Variants in PIK3CG observed in about 807,000 individuals in gnomAD.
The protein encoded by PIK3CG is phosphatidylinositol-4,5-bisphosphate 3-kinase catalytic subunit gamma.
A neutral mutation model predicts 102.3 loss-of-function variants in PIK3CG; 55 were observed. The observed-to-expected ratio is 0.54, with a 90% CI of 0.43 to 0.67. The LOEUF is 0.67. PIK3CG is among the 30% of genes least tolerant of loss of function. The pLI, the probability that PIK3CG is intolerant of heterozygous loss-of-function variation, is 0.00. For missense variants in PIK3CG, 1,258 were observed against 1,391.8 expected (o/e 0.90, Z 1.53); for synonymous variants, 552 against 540.0 (o/e 1.02, Z -0.31).
In PIK3CG at chr7:106,894,863, T is replaced by C. The variant is rs372450374; in HGVS notation, c.3030+8571T>C. On this transcript the variant is annotated intron_variant, in intron 10 of 10. Transcript: ENST00000496166. The surrounding 1 kb of genome is among the most constrained non-coding windows in gnomAD (Gnocchi z 4.4). ...GTATATAAAAGTAGTTTGTTTTCAG[T>C]TTAGTGAACTGATAGTTGGGGCAGT... Among the ~76,000 whole-genome samples the C allele has an allele frequency of 6.6e-5, 10 of 152,214 alleles. No homozygotes were observed. The highest frequency in any genetic ancestry group is 2.4e-4 in the African/African-American group (10 of 41,452).
chr7:106,907,370 T>C lies in PIK3CG; in HGVS notation c.*1983T>C, dbSNP rs1175122986. Among the ~76,000 whole-genome samples the C allele has an allele frequency of 6.6e-6, 1 of 152,190 alleles. No homozygotes were observed. The highest frequency in any genetic ancestry group is 1.5e-5 in the Non-Finnish European group (1 of 68,026). ...ACTCCTCTTCTTTGGCAACCTGTCC[T>C]TTTAAAATCACACTCTACCCACCTG... On this transcript the variant is annotated 3_prime_UTR_variant, in exon 11 of 11. Coordinates refer to ENST00000496166, the MANE Select transcript of PIK3CG (RefSeq NM_001282426.2).
In PIK3CG at chr7:106,868,537, G is replaced by A. The variant is rs1429721824; in HGVS notation, c.976G>A (p.Val326Met). ...GGTGAGGAAGGAAGAGTGGCCACTG[G>A]TGGATGACTGCACGGGAGTCACCGG... is the stretch of plus-strand genomic sequence containing the variant. ...DEVRKEEWPL[V>M]DDCTGVTGYH... The change falls in exon 2 of 11, where the codon GTG (valine) becomes ATG (methionine). Residue 326 changes from valine to methionine, a missense_variant. Val to Met is a conservative substitution (Grantham distance 21, BLOSUM62 1). Around this residue, in one of 2 missense-constraint regions of PIK3CG, gnomAD observed 832 missense variants for 787.5 expected, o/e 1.06. Transcript: ENST00000496166. The surrounding 1 kb of genome is among the most constrained non-coding windows in gnomAD (Gnocchi z 6.2). 2.5e-6 allele frequency: 4 copies of A among 1,613,986 alleles called. No homozygotes were observed. The highest frequency in any genetic ancestry group is 1.7e-5 in the Admixed American group (1 of 60,008).
In PIK3CG at chr7:106,869,631, A is replaced by C; in HGVS notation, c.1995+75A>C. On this transcript the variant is annotated intron_variant, in intron 2 of 10. Coordinates refer to ENST00000496166, the MANE Select transcript of PIK3CG (RefSeq NM_001282426.2). This position sits in a 1 kb window ranked among gnomAD's most constrained non-coding sequence, Gnocchi z 5.3. Reference sequence around the variant, plus strand: ...TTGCATATGCACAGGCACTCCATTCAGTTGTCATCAAATGCCCTTTGTTCA... The same window carrying C: ...TTGCATATGCACAGGCACTCCATTCCGTTGTCATCAAATGCCCTTTGTTCA... The C allele has an allele frequency of 8.1e-7, 1 of 1,235,210 alleles. No individual in the cohort carries two copies. The highest frequency in any genetic ancestry group is 1.1e-6 in the Non-Finnish European group (1 of 896,084). 76.5% of individuals were successfully genotyped at this position (1,235,210 alleles called of 1,614,324 possible). A position where few individuals can be genotyped will look rare whatever the true frequency, so the allele number is the denominator to read the frequency against.
At position 106,880,730 on chromosome 7, in the gene PIK3CG, A is replaced by G; in HGVS notation, c.2538+1065A>G. On this transcript the variant is annotated intron_variant, in intron 6 of 10. Coordinates refer to ENST00000496166, the MANE Select transcript of PIK3CG (RefSeq NM_001282426.2). The surrounding 1 kb of genome is among the most constrained non-coding windows in gnomAD (Gnocchi z 4.2). ...GCCTTGCTTTATCGCCCAGGTTGGA[A>G]TACAGTGGCACGATCACAGCCCACT... 6.6e-6 allele frequency among the ~76,000 whole-genome samples: 1 copy of G among 152,032 alleles called. No individual in the cohort carries two copies.
Position 106,867,867 on chromosome 7 carries a change from G to C in PIK3CG, c.306G>C (p.Lys102Asn). The change falls in exon 2 of 11, where the codon AAG becomes AAC. Residue 102 changes from lysine (K) to asparagine (N), a missense_variant. Lys to Asn is a moderately conservative substitution (Grantham distance 94). Coordinates refer to ENST00000496166, the MANE Select transcript of PIK3CG (RefSeq NM_001282426.2). The surrounding 1 kb of genome is among the most constrained non-coding windows in gnomAD (Gnocchi z 5.1). ...ATCACTTCCTCCTGCTCTATCAGAA[G>C]AAGGGGCAGTGGTACGAGATCTACG... The part of the protein sequence containing the change: ...GPHHFLLLYQ[K>N]KGQWYEIYDK... The C allele has an allele frequency of 6.2e-7, 1 of 1,612,998 alleles. No individual in the cohort carries two copies.
In PIK3CG at chr7:106,884,764, T is replaced by A. The variant is rs948625078; in HGVS notation, c.2872+498T>A. On this transcript the variant is annotated intron_variant, in intron 9 of 10. Transcript: ENST00000496166. This position sits in a 1 kb window ranked among gnomAD's most constrained non-coding sequence, Gnocchi z 4.2. ...CCACCAGATGCAGCTCAATTTTCAC[T>A]TGCCACTCACTGAGAGGGTTTTGAT... Among the ~76,000 whole-genome samples, 2 of 152,170 alleles carry A rather than the reference T, an allele frequency of 1.3e-5. No homozygotes were observed. Among genetic ancestry groups the A allele is most frequent in the African/African-American group, 4.8e-5 (2 of 41,430 alleles).
rs1308540866 is a variant in PIK3CG at position 106,891,250 on chromosome 7, T to G, written c.3030+4958T>G. ...TCTTCCTTCCATATCATACATTGTA[T>G]TCTGTGAGTTTCACAATAACTCAGG... On this transcript the variant is annotated intron_variant, in intron 10 of 10. Coordinates refer to ENST00000496166, the MANE Select transcript of PIK3CG (RefSeq NM_001282426.2). The surrounding 1 kb of genome is among the most constrained non-coding windows in gnomAD (Gnocchi z 4.4). 6.6e-6 allele frequency among the ~76,000 whole-genome samples: 1 copy of G among 152,182 alleles called. No homozygotes were observed. Among genetic ancestry groups the G allele is most frequent in the African/African-American group, 2.4e-5 (1 of 41,436 alleles).
Position 106,883,858 on chromosome 7 carries a change from A to G in PIK3CG, c.2761-297A>G, listed in dbSNP as rs1791010969. On this transcript the variant is annotated intron_variant, in intron 8 of 10. Transcript: ENST00000496166. The surrounding 1 kb of genome is among the most constrained non-coding windows in gnomAD (Gnocchi z 5.8). The stretch of plus-strand genomic sequence containing the variant: ...TGAAGGAGAAATTACCATGGGTTCT[A>G]TATAGTTGTTGGCAAGTGATGCATG... Among the ~76,000 whole-genome samples the G allele has an allele frequency of 6.6e-6, 1 of 152,196 alleles. No individual in the cohort carries two copies. The highest frequency in any genetic ancestry group is 1.5e-5 in the Non-Finnish European group (1 of 68,024).
intron 7 of PIK3CG, 60 bp downstream of exon 7, chr7:106,882,267 C>T (rs2116539285): frequency 1.3e-6 from 1 of 761,634 alleles, no homozygotes; most frequent in South Asian, 2.0e-5. Flanking sequence ...GATTATAATT[C>T]CTTCAGTGTA....
intron 5 of PIK3CG, among the ~76,000 whole-genome samples, chr7:106,876,262 A>G (rs1323489443): frequency 6.6e-6 from 1 of 152,064 alleles, no homozygotes; most frequent in Non-Finnish European, 1.5e-5. Flanking sequence ...ATGAAGTGGT[A>G]TCTCACTGTT....
In PIK3CG at chr7:106,880,561, C is replaced by T. The variant is rs574603752; in HGVS notation, c.2538+896C>T. Among the ~76,000 whole-genome samples, 1 of 152,300 alleles carries T rather than the reference C, an allele frequency of 6.6e-6. No homozygotes were observed. The highest frequency in any genetic ancestry group is 2.1e-4 in the South Asian group (1 of 4,830). On this transcript the variant is annotated intron_variant, in intron 6 of 10. Transcript: ENST00000496166. This position sits in a 1 kb window ranked among gnomAD's most constrained non-coding sequence, Gnocchi z 4.2. ...CAAGTTTATTAAATTTCAAATAAAT[C>T]TGTAGAATATTTTGAATTGTTTGAA...
chr7:106,899,061 T>C lies in PIK3CG; in HGVS notation c.3031-6048T>C, dbSNP rs960802146. Among the ~76,000 whole-genome samples, 3 of 152,184 alleles carry C rather than the reference T, an allele frequency of 2.0e-5. No homozygotes were observed. The highest frequency in any genetic ancestry group is 4.4e-5 in the Non-Finnish European group (3 of 68,026). The stretch of plus-strand genomic sequence containing the variant: ...TTCTTAGAGCAGTGTTTTATAATTC[T>C]CATTGTAGAGATCTTTCACCTCCCT... On this transcript the variant is annotated intron_variant, in intron 10 of 10. Coordinates refer to ENST00000496166, the MANE Select transcript of PIK3CG (RefSeq NM_001282426.2). The surrounding 1 kb of genome is among the most constrained non-coding windows in gnomAD (Gnocchi z 4.6).
rs1791267745 is a variant in PIK3CG, at chr7:106,891,681, A to G, written c.3030+5389A>G. ...AAATAACACATCTACAGACAAATCT[A>G]TGCAAAGCAGGTCGTTTGAGGACTG... On this transcript the variant is annotated intron_variant, in intron 10 of 10. Coordinates refer to ENST00000496166, the MANE Select transcript of PIK3CG (RefSeq NM_001282426.2). The surrounding 1 kb of genome is among the most constrained non-coding windows in gnomAD (Gnocchi z 4.4). Among the ~76,000 whole-genome samples, 1 of 152,180 alleles carries G rather than the reference A, an allele frequency of 6.6e-6. No homozygotes were observed. The highest frequency in any genetic ancestry group is 2.4e-5 in the African/African-American group (1 of 41,450).
At chr7:106,876,572 T>G (rs916571291) in intron 5 of PIK3CG, among the ~76,000 whole-genome samples, 52 of 151,182 alleles carry the variant, frequency 3.4e-4, no homozygotes, top group Admixed American at 2.3e-3. Flanking sequence ...TTTTTTTTTT[T>G]TTGTATTTTT....
In PIK3CG at chr7:106,908,564, G is replaced by A. The variant is rs1437238849; in HGVS notation, c.*3177G>A. 1.3e-5 allele frequency among the ~76,000 whole-genome samples: 2 copies of A among 152,168 alleles called. No homozygotes were observed. The highest frequency in any genetic ancestry group is 3.9e-4 in the East Asian group (2 of 5,192). On this transcript the variant is annotated 3_prime_UTR_variant, in exon 11 of 11. Transcript: ENST00000496166. The surrounding 1 kb of genome is among the most constrained non-coding windows in gnomAD (Gnocchi z 4.1). ...CTGCTTCAGTGACACTTTGATGAAA[G>A]TATGGAGAAGTGGAGACATTATAGA...
chr7:106,872,336 T>G lies in PIK3CG; in HGVS notation c.1996-201T>G, dbSNP rs1790559268. On this transcript the variant is annotated intron_variant, in intron 2 of 10. Transcript: ENST00000496166. This position sits in a 1 kb window ranked among gnomAD's most constrained non-coding sequence, Gnocchi z 5.3. ...TAATCCCAGTTATGTCATCGGCTGC[T>G]CTATGATCTTAAGCAAGTGGTTCAG... 6.6e-6 allele frequency among the ~76,000 whole-genome samples: 1 copy of G among 152,226 alleles called. No homozygotes were observed. The highest frequency in any genetic ancestry group is 2.4e-5 in the African/African-American group (1 of 41,462).
chr7:106,892,076 C>A lies in PIK3CG; in HGVS notation c.3030+5784C>A, dbSNP rs757501282. On this transcript the variant is annotated intron_variant, in intron 10 of 10. Transcript: ENST00000496166. The surrounding 1 kb of genome is among the most constrained non-coding windows in gnomAD (Gnocchi z 5.2). ...AGAGGTCTCTCTGTTTGTTACCCAG[C>A]TGCTAGAACTAGGGCCCTAATCCCT... is the stretch of plus-strand genomic sequence containing the variant. 5.3e-5 allele frequency among the ~76,000 whole-genome samples: 8 copies of A among 152,096 alleles called. No homozygotes were observed. The highest frequency in any genetic ancestry group is 1.0e-4 in the Non-Finnish European group (7 of 68,018).
intron 5 of PIK3CG, among the ~76,000 whole-genome samples, chr7:106,875,898 G>GT (rs371417092): frequency 0.091 from 11,954 of 130,854 alleles, 706 homozygotes; most frequent in South Asian, 0.26. Context: ...GTTATCATCA[G>GT]TTTTTTTTTT....
Position 106,890,874 on chromosome 7 carries a change from G to C in PIK3CG, c.3030+4582G>C, listed in dbSNP as rs1791247173. Among the ~76,000 whole-genome samples, 1 of 152,128 alleles carries C rather than the reference G, an allele frequency of 6.6e-6. No homozygotes were observed. Among genetic ancestry groups the C allele is most frequent in the South Asian group, 2.1e-4 (1 of 4,822 alleles). On this transcript the variant is annotated intron_variant, in intron 10 of 10. Transcript: ENST00000496166. This position sits in a 1 kb window ranked among gnomAD's most constrained non-coding sequence, Gnocchi z 4.2. ...TTCCTCCACATCTTCCCCCATCCCA[G>C]CTACCCACTGCTTTCTTCCCAGAAT...
Sources: gnomAD v4.1 joint callset for allele counts (sites outside exome capture counted in the v4.1 genomes callset) on GRCh38, gnomAD v4.1.1 for gene constraint, gnomAD v4.1.1 regional missense constraint, Gnocchi (gnomAD v3.1) non-coding constraint, MANE v1.5 for transcripts, NCBI Gene and HGNC (gene_info 2026-07-23, HGNC 2026-07-21) for gene names.